Variants in RBFOX1 observed in about 807,000 individuals in gnomAD.
The protein encoded by RBFOX1 is RNA binding protein fox-1 homolog 1.
RBFOX1 carries 8 observed loss-of-function variants against 57.7 expected under a neutral mutation model. That is an observed-to-expected ratio of 0.14 (90% CI 0.08 to 0.25). RBFOX1 has a LOEUF of 0.25. Among genes scored for constraint, RBFOX1 ranks in the 10% least tolerant of loss-of-function variants. The pLI, the probability that RBFOX1 is intolerant of heterozygous loss-of-function variation, is 1.00. For synonymous variants in RBFOX1, 326 were observed against 222.4 expected (o/e 1.47, Z -4.15); for missense variants, 611 against 548.5 (o/e 1.11, Z -1.14).
intron 15 of RBFOX1, chr16:7,709,495 C>T: frequency 1.3e-6 from 2 of 1,498,952 alleles, no homozygotes; most frequent in Non-Finnish European, 1.8e-6. Context: ...TTCACATAGC[C>T]CCAAGGTTCC....
At chr16:7,685,213 A>T (rs2075801415) in intron 14 of RBFOX1, among the ~76,000 whole-genome samples, 1 of 152,120 alleles carries the variant, frequency 6.6e-6, no homozygotes, top group Non-Finnish European at 1.5e-5. Flanking sequence ...CATAATGTTG[A>T]CAAAGGGTTG....
chr16:6,955,620 A>G (rs1322256518), intron 3 of RBFOX1, among the ~76,000 whole-genome samples: 4 of 147,442 alleles, frequency 2.7e-5, no homozygotes, highest in Non-Finnish European at 4.6e-5. Context: ...TGTGACAGCA[A>G]TATGAGAGAA....
intron 5 of RBFOX1, chr16:7,519,886 T>C (rs1028172571): frequency 1.9e-5 from 6 of 313,248 alleles, no homozygotes; most frequent in African/African-American, 1.4e-4. Context: ...TTGTTTTTGT[T>C]TTTGTTTTTG....
intron 4 of RBFOX1, among the ~76,000 whole-genome samples, chr16:7,391,261 A>G (rs1366110251): frequency 6.6e-6 from 1 of 152,068 alleles, no homozygotes. Context: ...TTAGAATAGC[A>G]TTTGCTGATG....
intron 4 of RBFOX1, among the ~76,000 whole-genome samples, chr16:7,128,060 A>G (rs1342032722): frequency 6.6e-6 from 1 of 152,140 alleles, no homozygotes; most frequent in African/African-American, 2.4e-5. Context: ...CCTCTGGCAA[A>G]TTCTTCCTTA....
Position 6,242,054 on chromosome 16 carries a change from A to G in RBFOX1, c.-126-74941A>G, listed in dbSNP as rs150577572. On this transcript the variant is annotated intron_variant, in intron 1 of 15. Transcript: ENST00000550418. Reference sequence around the variant, plus strand: ...TTTCAAACATAGAATAAAATTTGAAATTGAATTCCAGGCAGCTAATGCACC... The same window carrying G: ...TTTCAAACATAGAATAAAATTTGAAGTTGAATTCCAGGCAGCTAATGCACC... Among the ~76,000 whole-genome samples, 103 of 152,342 alleles carry G rather than the reference A, an allele frequency of 6.8e-4. 1 individual carries two copies. The highest frequency in any genetic ancestry group is 2.5e-3 in the African/African-American group (102 of 41,582).
At chr16:5,980,588 C>T (rs373460287) in intron 4 of RBFOX1, among the ~76,000 whole-genome samples, 3 of 152,060 alleles carry the variant, frequency 2.0e-5, no homozygotes, top group Non-Finnish European at 2.9e-5. Flanking sequence ...TGAGTATTTC[C>T]CAGAGTTGAG....
intron 4 of RBFOX1, among the ~76,000 whole-genome samples, chr16:7,235,125 C>T (rs1054216172): frequency 2.6e-5 from 4 of 152,224 alleles, no homozygotes; most frequent in East Asian, 3.8e-4. Flanking sequence ...TATAAATCTA[C>T]ACATCGGTAG....
intron 2 of RBFOX1, among the ~76,000 whole-genome samples, chr16:5,488,006 G>GTGA (rs373688736): frequency 3.3e-5 from 5 of 152,176 alleles, no homozygotes; most frequent in Middle Eastern, 3.4e-3. Context: ...GAAGATAATA[G>GTGA]TGATGATGAT....
At chr16:7,540,713 TAAG>T (rs2152461170) in intron 5 of RBFOX1, among the ~76,000 whole-genome samples, 1 of 152,280 alleles carries the variant, frequency 6.6e-6, no homozygotes, top group Admixed American at 6.5e-5. Context: ...GAATGAGAAA[TAAG>T]GAGATCAATA....
chr16:7,150,216 A>G (rs528567470), intron 4 of RBFOX1, among the ~76,000 whole-genome samples: 2 of 152,144 alleles, frequency 1.3e-5, no homozygotes, highest in South Asian at 4.1e-4. Flanking sequence ...TTATTTACCT[A>G]TTGGCTGGCA....
chr16:7,046,363 C>A (rs1001196563), intron 3 of RBFOX1, among the ~76,000 whole-genome samples: 4 of 151,972 alleles, frequency 2.6e-5, no homozygotes, highest in African/African-American at 9.7e-5. Flanking sequence ...ACACATATTT[C>A]TCTCAGTCTA....
chr16:6,001,652 A>G (rs577004910), intron 4 of RBFOX1, among the ~76,000 whole-genome samples: 1 of 152,352 alleles, frequency 6.6e-6, no homozygotes, highest in East Asian at 1.9e-4. Flanking sequence ...ATACATGGTA[A>G]CAATGCTAGT....
chr16:5,999,553 A>T (rs1316312223), intron 4 of RBFOX1, among the ~76,000 whole-genome samples: 1 of 152,204 alleles, frequency 6.6e-6, no homozygotes, highest in African/African-American at 2.4e-5. Flanking sequence ...GTGAAGGAAG[A>T]AGGGTTGGCC....
intron 3 of RBFOX1, among the ~76,000 whole-genome samples, chr16:6,656,764 A>C (rs1231235052): frequency 1.3e-5 from 2 of 152,138 alleles, no homozygotes; most frequent in Non-Finnish European, 2.9e-5. Flanking sequence ...AATTTGTTGC[A>C]GTTAATTGGT....
At chr16:5,357,858 G>A (rs1361842251) in intron 1 of RBFOX1, among the ~76,000 whole-genome samples, 1 of 152,192 alleles carries the variant, frequency 6.6e-6, no homozygotes, top group Non-Finnish European at 1.5e-5. Context: ...CTTAAATGCT[G>A]TTTGAAATCC....
At chr16:5,548,671 A>G (rs2045333539) in intron 2 of RBFOX1, among the ~76,000 whole-genome samples, 1 of 152,088 alleles carries the variant, frequency 6.6e-6, no homozygotes, top group African/African-American at 2.4e-5. Context: ...AAAAAAAACT[A>G]AAAAAATTTA....
chr16:6,242,488 C>G (rs2097544909), intron 1 of RBFOX1, among the ~76,000 whole-genome samples: 1 of 151,814 alleles, frequency 6.6e-6, no homozygotes, highest in African/African-American at 2.4e-5. Flanking sequence ...TTAGGCCTCC[C>G]AAATTGCTGG....
chr16:7,365,566 A>T (rs762561278), intron 4 of RBFOX1, among the ~76,000 whole-genome samples: 1 of 152,218 alleles, frequency 6.6e-6, no homozygotes, highest in Non-Finnish European at 1.5e-5. Context: ...TGCTGCTGAC[A>T]TCTACGGGAT....
Sources: gnomAD v4.1 joint callset for allele counts (sites outside exome capture counted in the v4.1 genomes callset) on GRCh38, gnomAD v4.1.1 for gene constraint, MANE v1.5 for transcripts, NCBI Gene and HGNC (gene_info 2026-07-23, HGNC 2026-07-21) for gene names.